The following GIGYF2 variants were observed in gnomAD, a reference collection of about 807,000 sequenced individuals.
The protein encoded by GIGYF2 is GRB10-interacting GYF protein 2.
GIGYF2 carries 25 observed loss-of-function variants against 208.1 expected under a neutral mutation model. The ratio of observed to expected loss-of-function variants is 0.12; its 90% CI spans 0.09 to 0.17. The LOEUF (loss-of-function observed/expected upper bound fraction) is 0.17. Among genes scored for constraint, GIGYF2 ranks in the 10% least tolerant of loss-of-function variants. The pLI is 1.00. For synonymous variants in GIGYF2, 534 were observed against 543.8 expected, an observed-to-expected ratio of 0.98 and a Z score of 0.25; for missense variants, 1,302 against 1,579.4, an observed-to-expected ratio of 0.82 and a Z score of 2.98.
chr2:232,755,235 A>T (rs1698489128), intron 5 of GIGYF2, among the ~76,000 whole-genome samples: 1 of 152,102 alleles, frequency 6.6e-6, no homozygotes, highest in Admixed American at 6.5e-5. Context: ...CAGTGGCATG[A>T]TCTCGGCTCA....
At chr2:232,720,865 G>A (rs1234411303) in intron 2 of GIGYF2, among the ~76,000 whole-genome samples, 1 of 152,092 alleles carries the variant, frequency 6.6e-6, no homozygotes, top group African/African-American at 2.4e-5. Flanking sequence ...AAAGTGCTGG[G>A]ATTACAGGCA....
intron 7 of GIGYF2, 77 bp downstream of exon 7, chr2:232,760,668 T>C (rs779459937): frequency 1.1e-6 from 1 of 881,610 alleles, no homozygotes; most frequent in African/African-American, 1.7e-5. Context: ...CGGGGAGAAA[T>C]GTTTTTGTAC....
chr2:232,814,575 C>CA (rs977850056), intron 18 of GIGYF2, among the ~76,000 whole-genome samples: 6 of 136,096 alleles, frequency 4.4e-5, no homozygotes, highest in Non-Finnish European at 6.5e-5. Context: ...ACCCCCCCCC[C>CA]CCAAAAAAAA....
intron 8 of GIGYF2, among the ~76,000 whole-genome samples, chr2:232,764,869 T>A (rs1698891615): frequency 6.6e-6 from 1 of 152,206 alleles, no homozygotes; most frequent in African/African-American, 2.4e-5. Context: ...ATATTTTAAC[T>A]ATATTAATCC....
intron 16 of GIGYF2, among the ~76,000 whole-genome samples, chr2:232,810,133 G>A (rs1209996673): frequency 1.3e-5 from 2 of 152,268 alleles, no homozygotes; most frequent in African/African-American, 2.4e-5. Flanking sequence ...GACTACAGGC[G>A]TGTGCCACCA....
At chr2:232,802,503 T>C (rs946355832) in intron 14 of GIGYF2, among the ~76,000 whole-genome samples, 18 of 152,268 alleles carry the variant, frequency 1.2e-4, no homozygotes, top group African/African-American at 4.1e-4. Flanking sequence ...GTGGTTTTTT[T>C]CCCCCCTTAT....
At chr2:232,744,037 G>T (rs1448370627) in intron 3 of GIGYF2, among the ~76,000 whole-genome samples, 13 of 151,996 alleles carry the variant, frequency 8.6e-5, no homozygotes, top group Admixed American at 8.5e-4. Context: ...GGAGAGACAG[G>T]ATCTCACTGT....
intron 8 of GIGYF2, among the ~76,000 whole-genome samples, chr2:232,775,006 A>G (rs1348557980): frequency 1.3e-5 from 2 of 152,000 alleles, no homozygotes; most frequent in Non-Finnish European, 2.9e-5. Context: ...AACTAAATAC[A>G]TGGAAAAACC....
In GIGYF2 at chr2:232,771,004, A is replaced by G. The variant is rs786205550; in HGVS notation, c.532+9568A>G. 1 of 1,614,012 alleles carries G rather than the reference A, an allele frequency of 6.2e-7. No homozygotes were observed. On this transcript the variant is annotated intron_variant, in intron 8 of 28. Transcript: ENST00000373563. ...ACTGGGGAACATGGTACCATAACCA[A>G]TTGTGAGTTGTGTCTCCAGGGAGAA...
chr2:232,843,082 T>G (rs933780552), intron 23 of GIGYF2: 2 of 152,234 alleles, frequency 1.3e-5, no homozygotes, highest in African/African-American at 4.8e-5. Context: ...TTTATCTGCT[T>G]TTCAGATTTT....
At chr2:232,825,429 CTT>C (rs1701217650) in intron 21 of GIGYF2, among the ~76,000 whole-genome samples, 2 of 152,150 alleles carry the variant, frequency 1.3e-5, no homozygotes, top group Non-Finnish European at 2.9e-5. Context: ...GGGTTCAAGA[CTT>C]CAGTGGAGGA....
chr2:232,738,319 G>A (rs1172854728), intron 3 of GIGYF2, among the ~76,000 whole-genome samples: 1 of 152,044 alleles, frequency 6.6e-6, no homozygotes, highest in East Asian at 1.9e-4. Context: ...AGTTTAAAAG[G>A]GTATGATACA....
chr2:232,730,636 C>T (rs888430111), intron 2 of GIGYF2, among the ~76,000 whole-genome samples: 3 of 144,816 alleles, frequency 2.1e-5, no homozygotes, highest in Non-Finnish European at 3.0e-5. Context: ...CGGTGGCTCA[C>T]GCCTGTAATC....
chr2:232,844,968 C>T (rs989740743), intron 25 of GIGYF2, among the ~76,000 whole-genome samples: 3 of 152,172 alleles, frequency 2.0e-5, no homozygotes, highest in Admixed American at 2.0e-4. Context: ...TCTGTAATGA[C>T]CTTAAACCTA....
rs1295867270 is a variant in GIGYF2 at position 232,726,368 on chromosome 2, C to CAA, written c.-43-8768_-43-8767dup. Among the ~76,000 whole-genome samples, 571 of 89,056 alleles carry CAA rather than the reference C, an allele frequency of 6.4e-3. 8 individuals carry two copies. The highest frequency in any genetic ancestry group is 0.019 in the Middle Eastern group (3 of 160). The allele number at this position is 89,056 out of a possible 152,430, so 58.4% of individuals were successfully genotyped here. On this transcript the variant is annotated intron_variant, in intron 2 of 28. Transcript: ENST00000373563. ...CCAGTGACAGAGCAAGGCTCTGTCT[C>CAA]AAAAAAAAAAAAAAAAAAAATCATA...
intron 5 of GIGYF2, among the ~76,000 whole-genome samples, chr2:232,752,855 G>C (rs1698387133): frequency 6.6e-6 from 1 of 151,804 alleles, no homozygotes; most frequent in African/African-American, 2.4e-5. Context: ...ATTCATTCTT[G>C]ATAATACTTG....
At chr2:232,838,544 A>G (rs1701721090) in intron 22 of GIGYF2, among the ~76,000 whole-genome samples, 1 of 152,148 alleles carries the variant, frequency 6.6e-6, no homozygotes, top group Non-Finnish European at 1.5e-5. Flanking sequence ...AGACAACATC[A>G]GTGGTTACTG....
chr2:232,844,609 G>T, intron 25 of GIGYF2, 35 bp downstream of exon 25: 1 of 1,470,464 alleles, frequency 6.8e-7, no homozygotes, highest in Non-Finnish European at 9.5e-7. Context: ...ATGCACCTTG[G>T]TTGGTTGGGA....
intron 3 of GIGYF2, among the ~76,000 whole-genome samples, chr2:232,744,843 T>C (rs1344304084): frequency 6.6e-6 from 1 of 152,204 alleles, no homozygotes; most frequent in Non-Finnish European, 1.5e-5. Flanking sequence ...AATTGTGGTC[T>C]TTTTAGTAAT....
Sources: allele counts gnomAD v4.1 joint callset (sites outside exome capture counted in the v4.1 genomes callset), GRCh38; gene constraint gnomAD v4.1.1; transcripts MANE v1.5; gene names NCBI Gene and HGNC (gene_info 2026-07-23, HGNC 2026-07-21).